SEMA6A: variants seen among roughly 807,000 people sequenced by gnomAD.
SEMA6A encodes semaphorin-6A.
SEMA6A carries 25 observed loss-of-function variants against 96.8 expected under a neutral mutation model. The observed-to-expected ratio is 0.26, with a 90% CI of 0.19 to 0.36. The LOEUF (loss-of-function observed/expected upper bound fraction) is 0.36. Among genes scored for constraint, SEMA6A ranks in the 10% least tolerant of loss-of-function variants. The pLI is 1.00. For synonymous variants in SEMA6A, 612 were observed against 518.0 expected (o/e 1.18, Z -2.46); for missense variants, 1,363 against 1,323.1 (o/e 1.03, Z -0.47).
At chr5:116,464,922 G>A (rs1324128512) in intron 18 of SEMA6A, among the ~76,000 whole-genome samples, 1 of 152,140 alleles carries the variant, frequency 6.6e-6, no homozygotes, top group African/African-American at 2.4e-5. Context: ...AATGGGCAAT[G>A]GACACTTGAC....
intron 7 of SEMA6A, among the ~76,000 whole-genome samples, chr5:116,490,928 C>T (rs1313476631): frequency 2.0e-5 from 3 of 152,182 alleles, no homozygotes; most frequent in Non-Finnish European, 4.4e-5. Context: ...AGCACACAAA[C>T]TCATACACAA....
chr5:116,494,532 C>G (rs1239771991), intron 6 of SEMA6A, among the ~76,000 whole-genome samples: 1 of 152,148 alleles, frequency 6.6e-6, no homozygotes, highest in Non-Finnish European at 1.5e-5. Flanking sequence ...TCCTCTGAAG[C>G]TTTCCCAGAC....
At chr5:116,561,861 A>G (rs1470911574) in intron 1 of SEMA6A, among the ~76,000 whole-genome samples, 1 of 152,230 alleles carries the variant, frequency 6.6e-6, no homozygotes, top group African/African-American at 2.4e-5. Flanking sequence ...AGCATATTCA[A>G]CATGTTGAAC....
chr5:116,478,288 T>A (rs1210081312), intron 13 of SEMA6A, 134 bp from the exon 14 acceptor site: 1 of 1,041,984 alleles, frequency 9.6e-7, no homozygotes, highest in Non-Finnish European at 1.4e-6. Context: ...ACCCTTCTGC[T>A]CTTGCACACA....
rs572473820 is a variant in SEMA6A, at chr5:116,457,859, A to G, written c.1894+9724T>C. Among the ~76,000 whole-genome samples, 8 of 152,274 alleles carry G rather than the reference A, an allele frequency of 5.3e-5. 1 individual carries two copies. In the South Asian group the frequency reaches 1.7e-3, roughly 32 times the overall value. On this transcript the variant is annotated intron_variant, in intron 18 of 18. Coordinates refer to ENST00000343348, the MANE Select transcript of SEMA6A (RefSeq NM_020796.5). Reference sequence around the variant, plus strand: ...TTTATCTATTACTTGCATAACCTGTATCTCCCTGGAACCAACAAATGAACA... The same window carrying G: ...TTTATCTATTACTTGCATAACCTGTGTCTCCCTGGAACCAACAAATGAACA...
Position 116,446,903 on chromosome 5 carries a change from T to G in SEMA6A, c.2803A>C (p.Lys935Gln). Residue 935 changes from lysine to glutamine, a missense_variant, in exon 19 of 19, where the codon AAA becomes CAA. Physicochemically the swap from Lys to Gln is moderately conservative, Grantham distance 53. Coordinates refer to ENST00000343348, the MANE Select transcript of SEMA6A (RefSeq NM_020796.5). Reference protein sequence around the residue: ...LTRSHQATTLKRNNTNSSNSS... With the variant: ...LTRSHQATTLQRNNTNSSNSS... ...TTGGAGGAGTTAGTGTTGTTTCTTTTGAGAGTGGTGGCCTGGTGGCTTCTC... is the reference window on the plus strand; with the variant it reads ...TTGGAGGAGTTAGTGTTGTTTCTTTGGAGAGTGGTGGCCTGGTGGCTTCTC... The G allele has an allele frequency of 6.2e-7, 1 of 1,613,966 alleles. No homozygotes were observed. The highest frequency in any genetic ancestry group is 8.5e-7 in the Non-Finnish European group (1 of 1,179,890).
At chr5:116,502,171 G>T in intron 3 of SEMA6A, 39 bp downstream of exon 3, 1 of 1,537,276 alleles carries the variant, frequency 6.5e-7, no homozygotes, top group Non-Finnish European at 9.0e-7. Context: ...TTGGGCTTTT[G>T]GACACTCTCA....
chr5:116,488,930 G>C lies in SEMA6A; in HGVS notation c.613C>G (p.Pro205Ala). The C allele has an allele frequency of 6.3e-7, 1 of 1,589,414 alleles. No individual in the cohort carries two copies. The highest frequency in any genetic ancestry group is 8.6e-7 in the Non-Finnish European group (1 of 1,166,868). Residue 205 changes from proline to alanine, a missense_variant, in exon 8 of 19, where the codon CCT (proline) becomes GCT (alanine). Pro to Ala is a conservative substitution (Grantham distance 27). Around this residue, in one of 2 missense-constraint regions of SEMA6A, gnomAD observed 480 missense variants for 559.5 expected, o/e 0.86. Transcript: ENST00000343348. ...AVIYRSLGES[P>A]TLRTVKHDSK... ...TCGTGCTTGACGGTCCGCAGGGTAG[G>C]GCTTTCTCCAAGACTCCGGTAAATG...
chr5:116,490,165 T>A (rs1757262832), intron 7 of SEMA6A, among the ~76,000 whole-genome samples: 1 of 152,194 alleles, frequency 6.6e-6, no homozygotes, highest in Admixed American at 6.5e-5. Context: ...TGTCTTAATA[T>A]CTGCAATATT....
At chr5:116,550,391 T>C (rs1760357286) in intron 1 of SEMA6A, 2 of 152,174 alleles carry the variant, frequency 1.3e-5, no homozygotes, top group African/African-American at 4.8e-5. Flanking sequence ...TGAAACCATG[T>C]CTGTGAAATA....
intron 1 of SEMA6A, among the ~76,000 whole-genome samples, chr5:116,563,165 A>G (rs771068551): frequency 3.3e-5 from 5 of 152,234 alleles, no homozygotes; most frequent in Non-Finnish European, 4.4e-5. Context: ...TGCTAGGTCC[A>G]GCACTTCTGC....
chr5:116,558,331 A>G (rs950196019), intron 1 of SEMA6A, among the ~76,000 whole-genome samples: 1 of 152,198 alleles, frequency 6.6e-6, no homozygotes, highest in African/African-American at 2.4e-5. Flanking sequence ...ACATGTGCTG[A>G]ATGTGCAGGT....
At chr5:116,529,852 G>A (rs1161142045) in intron 1 of SEMA6A, among the ~76,000 whole-genome samples, 1 of 152,084 alleles carries the variant, frequency 6.6e-6, no homozygotes, top group Admixed American at 6.6e-5. Context: ...GGGCGGGTTG[G>A]GGGAAGGAGC....
chr5:116,458,478 G>C (rs1580376677), intron 18 of SEMA6A, among the ~76,000 whole-genome samples: 1 of 152,128 alleles, frequency 6.6e-6, no homozygotes, highest in Admixed American at 6.6e-5. Context: ...AAAGTGGCTA[G>C]AGATTAAAGG....
intron 1 of SEMA6A, among the ~76,000 whole-genome samples, chr5:116,514,972 T>C (rs1411954239): frequency 6.6e-6 from 1 of 152,256 alleles, no homozygotes; most frequent in African/African-American, 2.4e-5. Flanking sequence ...ATTACTCTGT[T>C]GCCAAGAATA....
intron 18 of SEMA6A, among the ~76,000 whole-genome samples, chr5:116,450,698 T>G (rs774002133): frequency 3.3e-5 from 5 of 152,148 alleles, no homozygotes; most frequent in Non-Finnish European, 5.9e-5. Context: ...TCAGACAGAT[T>G]TTTTCCCCCG....
At chr5:116,539,982 A>G (rs2112860420) in intron 1 of SEMA6A, among the ~76,000 whole-genome samples, 1 of 152,110 alleles carries the variant, frequency 6.6e-6, no homozygotes, top group East Asian at 1.9e-4. Flanking sequence ...GTACTTGGGA[A>G]TTTTCTCATC....
intron 18 of SEMA6A, among the ~76,000 whole-genome samples, chr5:116,465,029 G>T (rs1256469108): frequency 1.3e-5 from 2 of 152,170 alleles, no homozygotes; most frequent in South Asian, 4.1e-4. Context: ...TCCTAAAGCT[G>T]GGGCACACAA....
At position 116,446,291 on chromosome 5, in the gene SEMA6A, T is replaced by G. The variant is rs1157113066; in HGVS notation, c.*322A>C. ...GTGTGTGTGTGTGTGTGTGTGGGGGTGGGGGATGGGGTAGGTATGTGCTTT... is the reference window on the plus strand; with the variant it reads ...GTGTGTGTGTGTGTGTGTGTGGGGGGGGGGGATGGGGTAGGTATGTGCTTT... On this transcript the variant is annotated 3_prime_UTR_variant, in exon 19 of 19. Transcript: ENST00000343348. 68 of 215,640 alleles carry G rather than the reference T, an allele frequency of 3.2e-4. No homozygotes were observed. The highest frequency in any genetic ancestry group is 1.1e-3 in the African/African-American group (42 of 37,066). 13.4% of individuals were successfully genotyped at this position (215,640 alleles called of 1,614,324 possible). A position where few individuals can be genotyped will look rare whatever the true frequency, so the allele number is the denominator to read the frequency against.
Sources: allele counts gnomAD v4.1 joint callset (sites outside exome capture counted in the v4.1 genomes callset), GRCh38; gene constraint gnomAD v4.1.1; regional missense constraint gnomAD v4.1.1; transcripts MANE v1.5; gene names NCBI Gene and HGNC (gene_info 2026-07-23, HGNC 2026-07-21).